Variants in COL6A5 observed in about 807,000 individuals in gnomAD.
The protein encoded by COL6A5 is collagen alpha-5(VI) chain.
In COL6A5, 48 loss-of-function variants were observed where a neutral mutation model predicts 65.6. That is an observed-to-expected ratio of 0.73 (90% CI 0.58 to 0.93). The LOEUF (loss-of-function observed/expected upper bound fraction) is 0.93, where lower values mean the gene tolerates loss of function less well. Among genes scored for constraint, COL6A5 ranks in the 40% least tolerant of loss-of-function variants. The probability of loss-of-function intolerance (pLI) is 0.00; values close to 1 mark genes in which losing one functional copy is unlikely to be tolerated. For synonymous variants in COL6A5, 291 were observed against 322.8 expected (o/e 0.90, Z 1.05); for missense variants, 914 against 928.3 (o/e 0.98, Z 0.20).
intron 8 of COL6A5, 101 bp from the exon 9 acceptor site, chr3:130,397,482 C>T: frequency 1.2e-6 from 1 of 819,462 alleles, no homozygotes; most frequent in Non-Finnish European, 1.9e-6. Flanking sequence ...GGACTAGAGA[C>T]CCTCTAGCTC....
intron 3 of COL6A5, 117 bp downstream of exon 3, chr3:130,376,953 A>G: frequency 8.6e-6 from 10 of 1,168,976 alleles, no homozygotes; most frequent in Admixed American, 5.7e-5. Flanking sequence ...AAGTATTGGA[A>G]ACTTCTACAC....
chr3:130,389,318 C>G (rs1936312439), intron 6 of COL6A5, among the ~76,000 whole-genome samples, 184 bp downstream of exon 6: 1 of 151,976 alleles, frequency 6.6e-6, no homozygotes, highest in Admixed American at 6.6e-5. Flanking sequence ...ATTTTGGCAT[C>G]TAGTTTGGCA....
At chr3:130,417,614 G>A (rs1937381892) in intron 24 of COL6A5, among the ~76,000 whole-genome samples, 1 of 152,088 alleles carries the variant, frequency 6.6e-6, no homozygotes, top group Non-Finnish European at 1.5e-5. Flanking sequence ...GGTGCATGTG[G>A]TTCTCGAACC....
chr3:130,460,649 G>A (rs1388631110), intron 5 of COL6A5, among the ~76,000 whole-genome samples: 1 of 152,032 alleles, frequency 6.6e-6, no homozygotes, highest in Non-Finnish European at 1.5e-5. Context: ...GGTGATGATA[G>A]TGTTGGTGCT....
At chr3:130,433,179 C>T (rs1382654302) in intron 1 of COL6A5, among the ~76,000 whole-genome samples, 1 of 152,126 alleles carries the variant, frequency 6.6e-6, no homozygotes, top group East Asian at 1.9e-4. Flanking sequence ...TGCAGGAAGT[C>T]AAAGTCCTGT....
intron 3 of COL6A5, 47 bp from the exon 4 acceptor site, chr3:130,379,371 C>T (rs922048668): frequency 4.1e-5 from 61 of 1,475,276 alleles, no homozygotes; most frequent in Middle Eastern, 1.8e-4. Context: ...TTTTTCTCTC[C>T]GGGCCAGTGG....
At chr3:130,483,352 C>G (rs190228511) in intron 7 of COL6A5, among the ~76,000 whole-genome samples, 3 of 152,168 alleles carry the variant, frequency 2.0e-5, no homozygotes, top group Admixed American at 6.6e-5. Flanking sequence ...ATCATAATGA[C>G]AGGATCAAAT....
chr3:130,440,254 G>A, exon 3 of COL6A5: 1 of 1,613,320 alleles, frequency 6.2e-7, no homozygotes, highest in South Asian at 1.1e-5. Context: ...ACAATTCTCG[G>A]AATATAGCAA....
intron 4 of COL6A5, among the ~76,000 whole-genome samples, chr3:130,449,917 C>T (rs1452662503): frequency 6.6e-6 from 1 of 152,088 alleles, no homozygotes; most frequent in African/African-American, 2.4e-5. Flanking sequence ...CTCTACCTAA[C>T]ACCAGGCCCA....
At chr3:130,481,945 G>T (rs964224971) in intron 7 of COL6A5, among the ~76,000 whole-genome samples, 17 of 151,996 alleles carry the variant, frequency 1.1e-4, no homozygotes, top group African/African-American at 3.9e-4. Context: ...CTAGGTATTA[G>T]CCCTTTGTCA....
chr3:130,397,700 G>A, exon 9 of COL6A5: 2 of 1,551,730 alleles, frequency 1.3e-6, no homozygotes, highest in Non-Finnish European at 1.7e-6. Flanking sequence ...GAAGACATCA[G>A]CTCTATCAAG....
At chr3:130,391,326 C>T in exon 7 of COL6A5, 1 of 1,551,650 alleles carries the variant, frequency 6.4e-7, no homozygotes, top group Non-Finnish European at 8.7e-7. Context: ...CAGTTTGGAG[C>T]CCTCAAATAC....
At position 130,352,318 on chromosome 3, in the gene COL6A5, T is replaced by G. The variant is rs75413650; in HGVS notation, c.-29+6337T>G. ...ACTTAAGGTGTAAAAAAAAAAAGAT[T>G]CGTTGGAAAATGGCAAGTGGCAATG... is the stretch of plus-strand genomic sequence containing the variant. On this transcript the variant is annotated intron_variant and NMD_transcript_variant, in intron 1 of 41. Transcript: ENST00000312481. Among the ~76,000 whole-genome samples the G allele has an allele frequency of 2.4e-3, 369 of 151,932 alleles. 2 individuals carry two copies. The highest frequency in any genetic ancestry group is 8.4e-3 in the African/African-American group (348 of 41,414).
At chr3:130,401,919 C>A in intron 12 of COL6A5, 65 bp downstream of exon 12, 1 of 1,183,234 alleles carries the variant, frequency 8.5e-7, no homozygotes, top group Non-Finnish European at 1.2e-6. Context: ...GGGACTGAGA[C>A]TGAGTGGTTG....
chr3:130,484,838 G>T, exon 8 of COL6A5: 1 of 398,498 alleles, frequency 2.5e-6, no homozygotes, highest in South Asian at 1.3e-4. Context: ...AAACAAGTCT[G>T]ACTTGGAAGT....
At position 130,346,048 on chromosome 3, in the gene COL6A5, G is replaced by A. The variant is rs142435011; in HGVS notation, c.-29+67G>A. On this transcript the variant is annotated intron_variant and NMD_transcript_variant, in intron 1 of 41. Coordinates refer to the COL6A5 transcript ENST00000312481. ...GGGAGGAAACCTCGAGTAGACAGGT[G>A]GATGTGAGAAGGATTCTCCTTTCTG... 69 of 398,520 alleles carry A rather than the reference G, an allele frequency of 1.7e-4. No homozygotes were observed. The Middle Eastern group carries it at 2.5e-3, about 15-fold the overall frequency. 24.7% of individuals were successfully genotyped at this position (398,520 alleles called of 1,614,324 possible). A position where few individuals can be genotyped will look rare whatever the true frequency, so the allele number is the denominator to read the frequency against.
chr3:130,414,395 A>T (rs1224518533), intron 22 of COL6A5, among the ~76,000 whole-genome samples: 1 of 152,096 alleles, frequency 6.6e-6, no homozygotes, highest in African/African-American at 2.4e-5. Flanking sequence ...TGAATGATTA[A>T]TACCTTCATA....
chr3:130,459,223 G>A (rs1709647351), intron 5 of COL6A5, among the ~76,000 whole-genome samples: 1 of 152,094 alleles, frequency 6.6e-6, no homozygotes, highest in Non-Finnish European at 1.5e-5. Flanking sequence ...GAAATGAGAA[G>A]CAACACTTGA....
chr3:130,468,386 T>G (rs774784630), intron 5 of COL6A5, among the ~76,000 whole-genome samples: 14 of 152,224 alleles, frequency 9.2e-5, no homozygotes, highest in Non-Finnish European at 2.1e-4. Flanking sequence ...TAAATGTAAC[T>G]TTAATATCTA....
Sources: gnomAD v4.1 joint callset for allele counts (sites outside exome capture counted in the v4.1 genomes callset) on GRCh38, gnomAD v4.1.1 for gene constraint, MANE v1.5 for transcripts, NCBI Gene and HGNC (gene_info 2026-07-23, HGNC 2026-07-21) for gene names.